The following CADPS2 variants were observed in gnomAD, a reference collection of about 807,000 sequenced individuals.
The protein encoded by CADPS2 is calcium-dependent secretion activator 2.
Under a neutral mutation model 172.5 loss-of-function variants are expected in CADPS2, and 93 were observed. That is an observed-to-expected ratio of 0.54 (90% CI 0.46 to 0.64). The LOEUF (loss-of-function observed/expected upper bound fraction) is 0.64. CADPS2 is among the 30% of genes least tolerant of loss of function. CADPS2 has a pLI of 0.00. For missense variants in CADPS2, 1,420 were observed against 1,565.9 expected (o/e 0.91, Z 1.57); for synonymous variants, 546 against 555.2 (o/e 0.98, Z 0.23).
intron 1 of CADPS2, among the ~76,000 whole-genome samples, chr7:122,756,227 T>TAC (rs981077248): frequency 5.9e-5 from 9 of 152,072 alleles, no homozygotes; most frequent in African/African-American, 1.2e-4. Flanking sequence ...ACTTAATTAA[T>TAC]ATATATATTG....
rs904559111 is a variant in CADPS2 at position 122,492,483 on chromosome 7, G to A, written c.1543-1063C>T. ...ATATTTGAACAAAATACTGTAAATG[G>A]GGAATGTTTCATTAGCCCAGTTTGG... On this transcript the variant is annotated intron_variant, in intron 9 of 29. Transcript: ENST00000449022. Among the ~76,000 whole-genome samples the A allele has an allele frequency of 9.2e-5, 14 of 152,148 alleles. 1 individual carries two copies. The highest frequency in any genetic ancestry group is 9.2e-4 in the Admixed American group (14 of 15,270).
At chr7:122,629,187 G>A (rs1258618919) in intron 4 of CADPS2, 61 bp downstream of exon 4, 1 of 1,335,138 alleles carries the variant, frequency 7.5e-7, no homozygotes, top group African/African-American at 1.5e-5. Context: ...CACTTTTTCA[G>A]CTCACAGAAA....
At position 122,834,972 on chromosome 7, in the gene CADPS2, G is replaced by A. The variant is rs377270429; in HGVS notation, c.339+51027C>T. Among the ~76,000 whole-genome samples the A allele has an allele frequency of 1.9e-4, 29 of 152,256 alleles. No individual in the cohort carries two copies. In the East Asian group the frequency reaches 1.9e-3, roughly 10 times the overall value. On this transcript the variant is annotated intron_variant, in intron 1 of 29. Coordinates refer to ENST00000449022, the MANE Select transcript of CADPS2 (RefSeq NM_017954.11). ...AGCACAGAGTTTGAGAACTGAGAACGGACAGACTGCCTCCTCAAGTGGGTC... is the reference window on the plus strand; with the variant it reads ...AGCACAGAGTTTGAGAACTGAGAACAGACAGACTGCCTCCTCAAGTGGGTC...
At chr7:122,871,095 G>A (rs1032372844) in intron 1 of CADPS2, among the ~76,000 whole-genome samples, 1 of 151,498 alleles carries the variant, frequency 6.6e-6, no homozygotes, top group Non-Finnish European at 1.5e-5. Flanking sequence ...ACTGCAGATA[G>A]GGTCCTAAGA....
At chr7:122,599,281 C>T (rs960143018) in intron 6 of CADPS2, among the ~76,000 whole-genome samples, 3 of 151,956 alleles carry the variant, frequency 2.0e-5, no homozygotes, top group Admixed American at 2.0e-4. Context: ...GCTGGAGATG[C>T]AAGAGGTACA....
intron 12 of CADPS2, among the ~76,000 whole-genome samples, chr7:122,478,287 C>G (rs190297858): frequency 1.4e-3 from 213 of 152,332 alleles, no homozygotes; most frequent in Non-Finnish European, 1.7e-3. Flanking sequence ...TTAGTTCAAT[C>G]TGTCTTCTGA....
intron 2 of CADPS2, among the ~76,000 whole-genome samples, chr7:122,704,228 C>A (rs1451993798): frequency 6.6e-6 from 1 of 151,798 alleles, no homozygotes; most frequent in African/African-American, 2.4e-5. Flanking sequence ...TGTTAGTATT[C>A]CCTGTATTTT....
At position 122,556,401 on chromosome 7, in the gene CADPS2, C is replaced by T. The variant is rs531432493; in HGVS notation, c.1336-1712G>A. ...TCTCTTTCTCCACACCCATCCCCCA[C>T]ACCAACTTTAAAAAAATTATTTGGC... On this transcript the variant is annotated intron_variant, in intron 7 of 29. Coordinates refer to ENST00000449022, the MANE Select transcript of CADPS2 (RefSeq NM_017954.11). Among the ~76,000 whole-genome samples the T allele has an allele frequency of 1.4e-3, 206 of 152,252 alleles. 1 individual carries two copies. Among genetic ancestry groups the T allele is most frequent in the African/African-American group, 4.6e-3 (193 of 41,572 alleles).
At chr7:122,801,894 TC>T (rs1797746210) in intron 1 of CADPS2, among the ~76,000 whole-genome samples, 1 of 152,022 alleles carries the variant, frequency 6.6e-6, no homozygotes, top group Non-Finnish European at 1.5e-5. Flanking sequence ...CAGGTGAGAA[TC>T]ACTTTTTAAA....
chr7:122,642,277 C>T (rs1415079824), intron 3 of CADPS2, among the ~76,000 whole-genome samples: 2 of 104,432 alleles, frequency 1.9e-5, no homozygotes, highest in African/African-American at 7.2e-5. Context: ...GAGACTCCAT[C>T]TCAAAAAAAA....
intron 2 of CADPS2, among the ~76,000 whole-genome samples, chr7:122,683,980 A>G (rs890330059): frequency 6.6e-6 from 1 of 152,070 alleles, no homozygotes; most frequent in African/African-American, 2.4e-5. Flanking sequence ...TTGTACCCTG[A>G]GCTGCTAGGT....
chr7:122,467,504 G>A (rs537388500), intron 14 of CADPS2, among the ~76,000 whole-genome samples: 14 of 152,116 alleles, frequency 9.2e-5, no homozygotes, highest in Non-Finnish European at 1.8e-4. Context: ...TAACAACTTT[G>A]TGATATAATC....
At chr7:122,439,097 T>C (rs985136271) in intron 16 of CADPS2, among the ~76,000 whole-genome samples, 6 of 152,040 alleles carry the variant, frequency 3.9e-5, no homozygotes, top group Admixed American at 2.6e-4. Context: ...CTTTCTATGG[T>C]TTTAAAAAAT....
At chr7:122,446,891 T>C (rs2152000787) in intron 15 of CADPS2, among the ~76,000 whole-genome samples, 1 of 152,286 alleles carries the variant, frequency 6.6e-6, no homozygotes, top group African/African-American at 2.4e-5. Flanking sequence ...TCTTTTCCAT[T>C]TCTCAGGAAT....
At chr7:122,866,626 G>A (rs148488703) in intron 1 of CADPS2, among the ~76,000 whole-genome samples, 13 of 152,242 alleles carry the variant, frequency 8.5e-5, no homozygotes, top group African/African-American at 2.9e-4. Flanking sequence ...GCTTGAACCC[G>A]GCAGGTAGAG....
rs141423301 is a variant in CADPS2, at chr7:122,577,470, G to A, written c.1335+3709C>T. ...ACTTCTTCCATTTGCATTTACATTC[G>A]TCTATGCCACTGCATTAATTAATAG... On this transcript the variant is annotated intron_variant, in intron 7 of 29. Coordinates refer to ENST00000449022, the MANE Select transcript of CADPS2 (RefSeq NM_017954.11). Among the ~76,000 whole-genome samples the A allele has an allele frequency of 8.7e-4, 131 of 151,414 alleles. 2 individuals carry two copies. In the East Asian group the frequency reaches 0.022, roughly 26 times the overall value.
At chr7:122,529,592 A>C (rs1439531813) in intron 8 of CADPS2, among the ~76,000 whole-genome samples, 1 of 152,122 alleles carries the variant, frequency 6.6e-6, no homozygotes, top group Non-Finnish European at 1.5e-5. Flanking sequence ...ATTAAATGGA[A>C]TGGGAGGAAA....
rs573012433 is a variant in CADPS2 at position 122,410,205 on chromosome 7, G to T, written c.2590-2509C>A. On this transcript the variant is annotated intron_variant, in intron 19 of 29. Transcript: ENST00000449022. ...CTAAAAATACAAAAATTAGCTGGCG[G>T]TGGTGGTGTGCACCTGTAACCCCAG... Among the ~76,000 whole-genome samples, 148 of 152,114 alleles carry T rather than the reference G, an allele frequency of 9.7e-4. 1 individual carries two copies. The highest frequency in any genetic ancestry group is 3.4e-3 in the Middle Eastern group (1 of 294).
chr7:122,592,484 C>G (rs1245781156), intron 6 of CADPS2, among the ~76,000 whole-genome samples: 2 of 152,264 alleles, frequency 1.3e-5, no homozygotes, highest in East Asian at 3.9e-4. Flanking sequence ...CATCCCATTA[C>G]TGGGTATATA....
Sources: allele counts gnomAD v4.1 joint callset (sites outside exome capture counted in the v4.1 genomes callset), GRCh38; gene constraint gnomAD v4.1.1; transcripts MANE v1.5; gene names NCBI Gene and HGNC (gene_info 2026-07-23, HGNC 2026-07-21).